Variants in ENOX1 observed in about 807,000 individuals in gnomAD.
ENOX1 encodes the protein candidate growth-related and time keeping constitutive hydroquinone (NADH) oxidase.
In ENOX1, 42 loss-of-function variants were observed where a neutral mutation model predicts 82.5. The ratio of observed to expected loss-of-function variants is 0.51; its 90% CI spans 0.40 to 0.66. The LOEUF (loss-of-function observed/expected upper bound fraction) is 0.66, where lower values mean the gene tolerates loss of function less well. ENOX1 is among the 30% of genes least tolerant of loss of function. ENOX1 has a pLI of 0.00. For missense variants in ENOX1, 608 were observed against 811.6 expected (o/e 0.75, Z 3.05); for synonymous variants, 271 against 282.2 (o/e 0.96, Z 0.40).
At chr13:43,766,217 G>T (rs968805141) in intron 1 of ENOX1, among the ~76,000 whole-genome samples, 14 of 152,188 alleles carry the variant, frequency 9.2e-5, no homozygotes, top group Admixed American at 6.5e-4. Flanking sequence ...GGTCCCTGAT[G>T]CACTAAAGGA....
intron 1 of ENOX1, among the ~76,000 whole-genome samples, chr13:43,771,915 T>TGCCA (rs1951636683): frequency 6.7e-6 from 1 of 150,216 alleles, no homozygotes. Flanking sequence ...CAGGCGCGTC[T>TGCCA]GCCACCACGC....
intron 3 of ENOX1, among the ~76,000 whole-genome samples, chr13:43,447,766 T>C (rs1035331147): frequency 1.3e-5 from 2 of 152,174 alleles, no homozygotes; most frequent in African/African-American, 2.4e-5. Flanking sequence ...TTTGAAGTTA[T>C]ATTTTGTATT....
intron 1 of ENOX1, among the ~76,000 whole-genome samples, chr13:43,745,581 A>T (rs993247057): frequency 6.6e-6 from 1 of 152,196 alleles, no homozygotes; most frequent in African/African-American, 2.4e-5. Context: ...TGGTAAAAGA[A>T]ATAGAAACAA....
intron 1 of ENOX1, among the ~76,000 whole-genome samples, chr13:43,756,972 C>CAAAA (rs1164153402): frequency 6.8e-4 from 19 of 28,042 alleles, no homozygotes; most frequent in Non-Finnish European, 1.1e-3. Flanking sequence ...AAAACAACAA[C>CAAAA]AAAAAAAAAA....
chr13:43,522,773 C>T (rs999214252), intron 2 of ENOX1, among the ~76,000 whole-genome samples: 1 of 152,106 alleles, frequency 6.6e-6, no homozygotes, highest in South Asian at 2.1e-4. Flanking sequence ...TGACTACATA[C>T]AATTACTATC....
Position 43,350,595 on chromosome 13 carries a change from G to A in ENOX1, c.823+5324C>T, listed in dbSNP as rs577695440. ...TGAGTAGCTGGGATTACGGGCATGCGCCACCAGGCCCGGCTAATTTTGTAT... is the reference window on the plus strand; with the variant it reads ...TGAGTAGCTGGGATTACGGGCATGCACCACCAGGCCCGGCTAATTTTGTAT... On this transcript the variant is annotated intron_variant, in intron 8 of 16. Transcript: ENST00000690772. Among the ~76,000 whole-genome samples, 41 of 152,218 alleles carry A rather than the reference G, an allele frequency of 2.7e-4. 1 individual carries two copies. In the East Asian group the frequency reaches 7.3e-3, roughly 27 times the overall value.
At chr13:43,521,947 C>A (rs1399573644) in intron 2 of ENOX1, among the ~76,000 whole-genome samples, 3 of 152,066 alleles carry the variant, frequency 2.0e-5, no homozygotes, top group Non-Finnish European at 4.4e-5. Flanking sequence ...AGAGACACTG[C>A]AGAAACTGTA....
At chr13:43,609,857 A>G in intron 2 of ENOX1, 2 of 921,692 alleles carry the variant, frequency 2.2e-6, no homozygotes, top group Non-Finnish European at 2.6e-6. Flanking sequence ...AGTAAGAAAA[A>G]CATTAATCTA....
chr13:43,649,902 T>G (rs1403922101), intron 2 of ENOX1, among the ~76,000 whole-genome samples: 1 of 152,316 alleles, frequency 6.6e-6, no homozygotes, highest in East Asian at 1.9e-4. Context: ...GATCCCCTCC[T>G]CAGTTACTCC....
At chr13:43,593,669 TACACACAC>T (rs58120566) in intron 2 of ENOX1, among the ~76,000 whole-genome samples, 13,833 of 69,044 alleles carry the variant, frequency 0.2, 2,906 homozygotes, top group Non-Finnish European at 0.24. Flanking sequence ...CCAATCTCTG[TACACACAC>T]ACACACACAC....
chr13:43,756,652 T>TTCCTC (rs1950657043), intron 1 of ENOX1, among the ~76,000 whole-genome samples: 1 of 152,148 alleles, frequency 6.6e-6, no homozygotes, highest in African/African-American at 2.4e-5. Context: ...AGGTATCTTA[T>TTCCTC]TCCTCTCTTT....
At chr13:43,614,760 C>T (rs2082337778) in intron 2 of ENOX1, among the ~76,000 whole-genome samples, 1 of 152,032 alleles carries the variant, frequency 6.6e-6, no homozygotes, top group Non-Finnish European at 1.5e-5. Context: ...GGGAGGAGCC[C>T]CCCATTTCCA....
chr13:43,706,716 A>G (rs1434963550), intron 1 of ENOX1, among the ~76,000 whole-genome samples: 1 of 151,484 alleles, frequency 6.6e-6, no homozygotes, highest in African/African-American at 2.4e-5. Flanking sequence ...AAGAAAGAAA[A>G]AAAAAAAACA....
chr13:43,232,939 C>G (rs2042355231), intron 15 of ENOX1, among the ~76,000 whole-genome samples: 1 of 152,102 alleles, frequency 6.6e-6, no homozygotes, highest in Non-Finnish European at 1.5e-5. Flanking sequence ...GAACTATTAG[C>G]TTGTCAATAA....
At chr13:43,349,927 A>G (rs1320770153) in intron 8 of ENOX1, among the ~76,000 whole-genome samples, 1 of 152,226 alleles carries the variant, frequency 6.6e-6, no homozygotes, top group Non-Finnish European at 1.5e-5. Flanking sequence ...TATCCAGGAA[A>G]TAAAAAGGGT....
chr13:43,460,117 T>C (rs973115022), intron 3 of ENOX1, among the ~76,000 whole-genome samples: 1 of 152,224 alleles, frequency 6.6e-6, no homozygotes, highest in Middle Eastern at 3.2e-3. Flanking sequence ...TTTTGCTCCA[T>C]GCCTTCTTTT....
intron 3 of ENOX1, among the ~76,000 whole-genome samples, chr13:43,482,351 C>T (rs1157009087): frequency 6.6e-6 from 1 of 152,090 alleles, no homozygotes; most frequent in East Asian, 1.9e-4. Flanking sequence ...AAACTAAGGT[C>T]ATTATGCTAA....
intron 16 of ENOX1, among the ~76,000 whole-genome samples, chr13:43,217,857 AGGTTGTGGC>A (rs2041569545): frequency 1.3e-5 from 2 of 152,198 alleles, no homozygotes; most frequent in Non-Finnish European, 2.9e-5. Context: ...TCTGTCAATT[AGGTTGTGGC>A]AAAGATCTTA....
intron 3 of ENOX1, among the ~76,000 whole-genome samples, chr13:43,431,655 G>A (rs1316139663): frequency 6.6e-6 from 1 of 151,970 alleles, no homozygotes; most frequent in Non-Finnish European, 1.5e-5. Context: ...TCCCACATAC[G>A]CAAATTCATT....
Sources: gnomAD v4.1 joint callset for allele counts (sites outside exome capture counted in the v4.1 genomes callset) on GRCh38, gnomAD v4.1.1 for gene constraint, MANE v1.5 for transcripts, NCBI Gene and HGNC (gene_info 2026-07-23, HGNC 2026-07-21) for gene names.